The following SPTLC1 variants were observed in gnomAD, a reference collection of about 807,000 sequenced individuals.
The protein encoded by SPTLC1 is serine palmitoyltransferase 1.
In SPTLC1, 55 loss-of-function variants were observed where a neutral mutation model predicts 68.9. That is an observed-to-expected ratio of 0.80 (90% CI 0.64 to 1.00). The LOEUF (loss-of-function observed/expected upper bound fraction) is 1.00. Ranked by LOEUF, SPTLC1 falls within the 50% of genes least tolerant of loss-of-function variation. The pLI is 0.00. For synonymous variants in SPTLC1, 197 were observed against 201.6 expected (o/e 0.98, Z 0.19); for missense variants, 449 against 573.1 (o/e 0.78, Z 2.21).
chr9:92,053,049 AC>A lies in SPTLC1; in HGVS notation c.780+2355del, dbSNP rs572254333. On this transcript the variant is annotated intron_variant, in intron 8 of 14. Coordinates refer to ENST00000262554, the MANE Select transcript of SPTLC1 (RefSeq NM_006415.4). ...AAGGAATTCTTTTAAAAACAAAAAA[AC>A]AACCCAATTTAAAAAATGGGCAAAG... 2.0e-4 allele frequency among the ~76,000 whole-genome samples: 31 copies of A among 152,196 alleles called. No homozygotes were observed. The South Asian group carries it at 2.1e-3, about 10-fold the overall frequency.
chr9:92,035,569 TGA>T (rs1210988301), intron 13 of SPTLC1, among the ~76,000 whole-genome samples: 1 of 152,100 alleles, frequency 6.6e-6, no homozygotes, highest in Admixed American at 6.5e-5. Context: ...AGTTTTGGAA[TGA>T]GATAGTAATG....
intron 1 of SPTLC1, chr9:92,114,994 T>G: frequency 2.2e-6 from 1 of 453,226 alleles, no homozygotes; most frequent in Non-Finnish European, 4.1e-6. Flanking sequence ...ACCACTCCGT[T>G]TTATCGTCCG....
intron 14 of SPTLC1, among the ~76,000 whole-genome samples, chr9:92,034,464 C>T (rs1833073884): frequency 6.6e-6 from 1 of 152,128 alleles, no homozygotes. Flanking sequence ...GCCGATCTTC[C>T]CTGCAGGACG....
chr9:92,047,860 T>C (rs1016498523), intron 9 of SPTLC1, 152 bp from the exon 10 acceptor site: 3 of 645,698 alleles, frequency 4.6e-6, no homozygotes, highest in Admixed American at 5.5e-5. Context: ...ATAAACCATA[T>C]AACATCTATC....
chr9:92,114,923 G>A (rs933848334), intron 1 of SPTLC1: 6 of 292,952 alleles, frequency 2.0e-5, no homozygotes, highest in African/African-American at 4.3e-5. Flanking sequence ...GAACTGTACC[G>A]TAGTTCCAAA....
In SPTLC1 at chr9:92,032,448, T is replaced by C. The variant is rs1439930131; in HGVS notation, c.*17A>G. On this transcript the variant is annotated 3_prime_UTR_variant, in exon 15 of 15. Transcript: ENST00000262554. ...CTGCGTGTTGTGTGGCAGGAGGCCA[T>C]GGTCCCGGGACTCTGCCTAGAGCAG... The C allele has an allele frequency of 1.2e-6, 2 of 1,614,104 alleles. No individual in the cohort carries two copies. Among genetic ancestry groups the C allele is most frequent in the South Asian group, 2.2e-5 (2 of 91,080 alleles).
Position 92,068,014 on chromosome 9 carries a change from A to G in SPTLC1, c.512T>C (p.Ile171Thr). The G allele has an allele frequency of 6.2e-7, 1 of 1,614,148 alleles. No homozygotes were observed. Among genetic ancestry groups the G allele is most frequent in the South Asian group, 1.1e-5 (1 of 91,084 alleles). The stretch of plus-strand genomic sequence containing the variant: ...AGAGTAAGCAGGAATAGCACTGGCT[A>G]TGGTGGCAAATCCATATGAGTATAT... Reference protein sequence around the residue: ...AIIYSYGFATIASAIPAYSKR... With the variant: ...AIIYSYGFATTASAIPAYSKR... The change falls in exon 6 of 15, where the codon ATA becomes ACA. Residue 171 changes from isoleucine (I) to threonine (T), a missense_variant. Transcript: ENST00000262554.
At chr9:92,102,661 C>T (rs1835798568) in intron 3 of SPTLC1, among the ~76,000 whole-genome samples, 1 of 151,900 alleles carries the variant, frequency 6.6e-6, no homozygotes, top group South Asian at 2.1e-4. Flanking sequence ...AAAAATTACA[C>T]CAGATATGTC....
intron 5 of SPTLC1, among the ~76,000 whole-genome samples, chr9:92,070,794 G>C (rs1211405485): frequency 6.6e-6 from 1 of 152,182 alleles, no homozygotes; most frequent in Non-Finnish European, 1.5e-5. Flanking sequence ...TGCTATTTAA[G>C]AGTTTGTTTA....
chr9:92,103,893 A>AC (rs1214085585), intron 3 of SPTLC1, among the ~76,000 whole-genome samples: 1 of 152,032 alleles, frequency 6.6e-6, no homozygotes, highest in African/African-American at 2.4e-5. Flanking sequence ...TCAGCCCCGC[A>AC]CCCCCAACAG....
At position 92,032,663 on chromosome 9, in the gene SPTLC1, T is replaced by C. The variant is rs919338666; in HGVS notation, c.1329-105A>G. ...AGGCCAAGGCAGGTGGATCACGAGG[T>C]CAGGAGATCGAGACCATCCTGGCTA... is the stretch of plus-strand genomic sequence containing the variant. On this transcript the variant is annotated intron_variant, in intron 14 of 14. Transcript: ENST00000262554. The C allele has an allele frequency of 1.5e-5, 21 of 1,444,670 alleles. No individual in the cohort carries two copies. The Admixed American group carries it at 2.9e-4, about 20-fold the overall frequency. The allele number at this position is 1,444,670 out of a possible 1,614,324, so 89.5% of individuals were successfully genotyped here.
chr9:92,096,028 G>A (rs1835516726), intron 3 of SPTLC1, among the ~76,000 whole-genome samples: 1 of 152,152 alleles, frequency 6.6e-6, no homozygotes, highest in South Asian at 2.1e-4. Context: ...GTGAAGGCAG[G>A]GGTGCCGTTC....
chr9:92,111,763 C>T (rs1367386305), intron 2 of SPTLC1: 1 of 152,308 alleles, frequency 6.6e-6, no homozygotes, highest in South Asian at 2.1e-4. Context: ...GCTTTTCAGG[C>T]GCAGTCACTT....
chr9:92,069,761 G>A (rs10992221), intron 5 of SPTLC1, among the ~76,000 whole-genome samples: 37,905 of 152,026 alleles, frequency 0.25, 6,725 homozygotes, highest in African/African-American at 0.49. Flanking sequence ...CTAATTGAAA[G>A]TATCTGCCAC....
At chr9:92,038,695 T>C (rs1042171607) in intron 12 of SPTLC1, among the ~76,000 whole-genome samples, 3 of 152,208 alleles carry the variant, frequency 2.0e-5, no homozygotes, top group African/African-American at 7.2e-5. Flanking sequence ...ATGTGCTCCC[T>C]CGCCCCCAAT....
intron 3 of SPTLC1, among the ~76,000 whole-genome samples, chr9:92,099,216 G>C (rs570236519): frequency 6.6e-6 from 1 of 152,194 alleles, no homozygotes; most frequent in African/African-American, 2.4e-5. Context: ...GGGGCACCCA[G>C]GGATCGGCAC....
At chr9:92,051,234 T>A in intron 8 of SPTLC1, 2 of 983,680 alleles carry the variant, frequency 2.0e-6, no homozygotes, top group South Asian at 9.4e-5. Context: ...AAACAACATA[T>A]GGAACCCTTA....
chr9:92,076,914 T>G (rs1834702516), intron 5 of SPTLC1: 2 of 152,182 alleles, frequency 1.3e-5, no homozygotes, highest in Admixed American at 1.3e-4. Flanking sequence ...TTCCCCGGTT[T>G]GGTCTCCCTA....
chr9:92,108,468 T>C, intron 3 of SPTLC1: 1 of 398,110 alleles, frequency 2.5e-6, no homozygotes, highest in South Asian at 2.5e-5. Context: ...TCTGTTGCTT[T>C]TCATTTTAAG....
Sources: allele counts gnomAD v4.1 joint callset (sites outside exome capture counted in the v4.1 genomes callset), GRCh38; gene constraint gnomAD v4.1.1; transcripts MANE v1.5; gene names NCBI Gene and HGNC (gene_info 2026-07-23, HGNC 2026-07-21).